The following PCDHA11 variants were observed in gnomAD, a reference collection of about 807,000 sequenced individuals.
PCDHA11 encodes the protein protocadherin alpha 11.
Under a neutral mutation model 70.3 loss-of-function variants are expected in PCDHA11, and 61 were observed. The observed-to-expected ratio is 0.87, with a 90% CI of 0.71 to 1.07. The LOEUF (loss-of-function observed/expected upper bound fraction) is 1.07, where lower values mean the gene tolerates loss of function less well. PCDHA11 is among the 50% of genes least tolerant of loss of function. The probability of loss-of-function intolerance (pLI) is 0.00; values close to 1 mark genes in which losing one functional copy is unlikely to be tolerated. For missense variants in PCDHA11, 1,324 were observed against 1,237.5 expected, an observed-to-expected ratio of 1.07 and a Z score of -1.05; for synonymous variants, 633 against 555.1, an observed-to-expected ratio of 1.14 and a Z score of -1.97.
rs561705674 is a variant in PCDHA11, at chr5:140,870,676, G to A, written c.1573G>A (p.Glu525Lys). 1.9e-6 allele frequency: 3 copies of A among 1,612,702 alleles called. No individual in the cohort carries two copies. Among genetic ancestry groups the A allele is most frequent in the African/African-American group, 1.3e-5 (1 of 75,008 alleles). ...GTACGCGCTGCAGCCGTTGGACCAC[G>A]AGGAGCTGGAGCTGCTACAGTTCCA... ...KVYALQPLDH[E>K]ELELLQFQVS... Residue 525 changes from glutamate (E) to lysine (K), a missense_variant, in exon 1 of 4, where the codon GAG becomes AAG. Glu to Lys is a moderately conservative substitution (Grantham distance 56, BLOSUM62 1). Coordinates refer to ENST00000398640, the MANE Select transcript of PCDHA11 (RefSeq NM_018902.5).
At chr5:140,910,850 A>G (rs1285161954) in intron 1 of PCDHA11, among the ~76,000 whole-genome samples, 1 of 152,168 alleles carries the variant, frequency 6.6e-6, no homozygotes, top group Non-Finnish European at 1.5e-5. Flanking sequence ...CCTTGGATCT[A>G]TGTTCCATCC....
chr5:140,935,894 C>CTTTT (rs55841305), intron 1 of PCDHA11, among the ~76,000 whole-genome samples: 9 of 136,750 alleles, frequency 6.6e-5, no homozygotes, highest in South Asian at 2.3e-4. Flanking sequence ...TCAATATTAT[C>CTTTT]TTTTTTTTTT....
chr5:140,894,819 G>T (rs974558361), intron 1 of PCDHA11, among the ~76,000 whole-genome samples: 6 of 151,474 alleles, frequency 4.0e-5, no homozygotes, highest in African/African-American at 1.2e-4. Context: ...TATCAGATTT[G>T]CCCATAATCC....
chr5:140,883,378 C>A, intron 1 of PCDHA11: 1 of 1,614,146 alleles, frequency 6.2e-7, no homozygotes. Context: ...CCATTATTGC[C>A]CTAATCAGTG....
At chr5:140,884,033 C>T in intron 1 of PCDHA11, 1 of 1,613,402 alleles carries the variant, frequency 6.2e-7, no homozygotes, top group Non-Finnish European at 8.5e-7. Context: ...GGGTGCAGGC[C>T]ACGTGGTGGC....
intron 1 of PCDHA11, among the ~76,000 whole-genome samples, chr5:140,895,711 T>C (rs2065121989): frequency 6.6e-6 from 1 of 152,216 alleles, no homozygotes; most frequent in African/African-American, 2.4e-5. Flanking sequence ...CTTGGGATAA[T>C]GGCCTGCACC....
intron 1 of PCDHA11, among the ~76,000 whole-genome samples, chr5:140,953,094 C>A (rs2094845891): frequency 6.6e-6 from 1 of 152,172 alleles, no homozygotes; most frequent in South Asian, 2.1e-4. Flanking sequence ...TACAATTTGA[C>A]ATGAGATTTG....
At chr5:140,944,724 C>G (rs246064) in intron 1 of PCDHA11, among the ~76,000 whole-genome samples, 85,713 of 151,920 alleles carry the variant, frequency 0.56, 24,798 homozygotes, top group African/African-American at 0.69. Flanking sequence ...CTTTGAACAC[C>G]TTAGTAAGTC....
At chr5:140,883,593 C>T (rs2059688395) in intron 1 of PCDHA11, 1 of 1,613,954 alleles carries the variant, frequency 6.2e-7, no homozygotes, top group Non-Finnish European at 8.5e-7. Context: ...GCCAGCGTGT[C>T]GGTGGGGGTG....
intron 1 of PCDHA11, chr5:140,883,418 C>G: frequency 6.2e-7 from 1 of 1,614,172 alleles, no homozygotes; most frequent in Non-Finnish European, 8.5e-7. Context: ...CTCAAATGGA[C>G]AGGTCACCTG....
In PCDHA11 at chr5:140,870,636, G is replaced by C. The variant is rs2153249494; in HGVS notation, c.1533G>C (p.Ala511=). The C allele has an allele frequency of 6.2e-7, 1 of 1,612,910 alleles. No homozygotes were observed. The highest frequency in any genetic ancestry group is 8.5e-7 in the Non-Finnish European group (1 of 1,179,796). Residue 511 remains alanine, a synonymous_variant, in exon 1 of 4, where the codon GCG becomes GCC. Coordinates refer to ENST00000398640, the MANE Select transcript of PCDHA11 (RefSeq NM_018902.5). ...TGTCGAGCTACGTGTCGGTGCACGC[G>C]GAGAGCGGCAAGGTGTACGCGCTGC... is the stretch of plus-strand genomic sequence containing the variant. The part of the protein sequence containing the change: ...RALSSYVSVH[A]ESGKVYALQP...
intron 1 of PCDHA11, among the ~76,000 whole-genome samples, chr5:140,886,245 A>G (rs1241977297): frequency 6.6e-6 from 1 of 152,046 alleles, no homozygotes; most frequent in Non-Finnish European, 1.5e-5. Context: ...GAAATAAATA[A>G]AAGTATCTCT....
intron 1 of PCDHA11, among the ~76,000 whole-genome samples, chr5:140,879,490 C>T (rs2058010245): frequency 2.0e-5 from 3 of 152,090 alleles, no homozygotes; most frequent in Admixed American, 2.0e-4. Flanking sequence ...AAATATGGGT[C>T]TGGATCTCAG....
intron 1 of PCDHA11, among the ~76,000 whole-genome samples, chr5:140,911,895 T>C (rs1289494210): frequency 1.3e-5 from 2 of 152,184 alleles, no homozygotes; most frequent in East Asian, 3.8e-4. Flanking sequence ...AAAATCTGTA[T>C]TAGTCAGAGC....
chr5:140,960,708 T>C (rs578004240), intron 1 of PCDHA11, among the ~76,000 whole-genome samples: 1 of 152,142 alleles, frequency 6.6e-6, no homozygotes, highest in Non-Finnish European at 1.5e-5. Context: ...TAGTGCCAAA[T>C]ACTCATCTTA....
At chr5:140,996,926 T>C (rs569386997) in intron 3 of PCDHA11, among the ~76,000 whole-genome samples, 4 of 152,320 alleles carry the variant, frequency 2.6e-5, no homozygotes, top group Middle Eastern at 3.4e-3. Flanking sequence ...TTAAAAAATA[T>C]AGCATTTTTG....
At chr5:140,916,273 G>C (rs962847536) in intron 1 of PCDHA11, among the ~76,000 whole-genome samples, 7 of 152,176 alleles carry the variant, frequency 4.6e-5, no homozygotes, top group African/African-American at 1.7e-4. Flanking sequence ...CATGCTTGTT[G>C]CTCTACTCCA....
intron 1 of PCDHA11, chr5:140,929,602 A>G: frequency 2.4e-6 from 1 of 417,610 alleles, no homozygotes; most frequent in Non-Finnish European, 4.3e-6. Flanking sequence ...CTAAAATTAA[A>G]AATAAAATAC....
chr5:140,873,131 T>C (rs895883185), intron 1 of PCDHA11, among the ~76,000 whole-genome samples: 7 of 152,334 alleles, frequency 4.6e-5, no homozygotes, highest in Admixed American at 3.9e-4. Context: ...TCAAAGAGTC[T>C]ATGCTGAAGC....
Sources: allele counts gnomAD v4.1 joint callset (sites outside exome capture counted in the v4.1 genomes callset), GRCh38; gene constraint gnomAD v4.1.1; transcripts MANE v1.5; gene names NCBI Gene and HGNC (gene_info 2026-07-23, HGNC 2026-07-21).